ENTREP3: variants seen among roughly 807,000 people sequenced by gnomAD.
The protein encoded by ENTREP3 is endosomal transmembrane epsin interactor 3.
At chr1:155,247,909 A>C in the ENTREP3 span, 1 of 1,590,656 alleles carries the variant, frequency 6.3e-7, no homozygotes, top group Admixed American at 1.8e-5. Context: ...GCAGCTGCGA[A>C]GGTGGAGGCT....
the ENTREP3 span, chr1:155,250,824 G>A: frequency 1.3e-5 from 21 of 1,596,628 alleles, no homozygotes; most frequent in African/African-American, 9.4e-5. The surrounding 1 kb of genome is among the most constrained non-coding windows in gnomAD (Gnocchi z 5.4). Flanking sequence ...CATGGACACT[G>A]TGGGCGGCAG....
At chr1:155,249,409 C>T in the ENTREP3 span, among the ~76,000 whole-genome samples, 496 of 151,736 alleles carry the variant, frequency 3.3e-3, 3 homozygotes, top group African/African-American at 0.012. Flanking sequence ...TATTATTATA[C>T]ATGTTTAACA....
chr1:155,254,725 G>A, the ENTREP3 span: 4 of 1,613,702 alleles, frequency 2.5e-6, no homozygotes, highest in Non-Finnish European at 3.4e-6. The surrounding 1 kb of genome is among the most constrained non-coding windows in gnomAD (Gnocchi z 4.4). Context: ...CCACCATGCT[G>A]AAGGTGACCA....
the ENTREP3 span, chr1:155,250,633 G>T: frequency 6.2e-7 from 1 of 1,610,984 alleles, no homozygotes; most frequent in Non-Finnish European, 8.5e-7. This position sits in a 1 kb window ranked among gnomAD's most constrained non-coding sequence, Gnocchi z 5.4. Flanking sequence ...TCCTCGAAGG[G>T]GCCCCGCAGG....
At chr1:155,247,993 C>A in the ENTREP3 span, 1 of 1,612,450 alleles carries the variant, frequency 6.2e-7, no homozygotes, top group South Asian at 1.1e-5. Context: ...ATCAATAAGG[C>A]TCAATCTGAA....
the ENTREP3 span, chr1:155,254,606 G>A: frequency 5.0e-6 from 8 of 1,584,362 alleles, no homozygotes; most frequent in African/African-American, 9.4e-5. The surrounding 1 kb of genome is among the most constrained non-coding windows in gnomAD (Gnocchi z 4.4). Flanking sequence ...TGTGGAGGGT[G>A]GGGCCCGAGG....
At chr1:155,254,779 G>C in the ENTREP3 span, 2 of 1,613,802 alleles carry the variant, frequency 1.2e-6, no homozygotes, top group Admixed American at 1.7e-5. This position sits in a 1 kb window ranked among gnomAD's most constrained non-coding sequence, Gnocchi z 4.4. Context: ...GCGTAAGCAG[G>C]GCCTGCAGCC....
chr1:155,251,183 C>T, the ENTREP3 span: 1 of 1,583,710 alleles, frequency 6.3e-7, no homozygotes, highest in East Asian at 2.3e-5. Context: ...GACACAGGGT[C>T]AAGGGTTCAG....
At chr1:155,254,409 G>A in the ENTREP3 span, 2 of 1,614,032 alleles carry the variant, frequency 1.2e-6, no homozygotes, top group African/African-American at 2.7e-5. The surrounding 1 kb of genome is among the most constrained non-coding windows in gnomAD (Gnocchi z 4.4). Flanking sequence ...CCACTAGAGT[G>A]AATGGCCGCT....
At chr1:155,254,473 C>T in the ENTREP3 span, 2 of 1,614,100 alleles carry the variant, frequency 1.2e-6, no homozygotes, top group Non-Finnish European at 1.7e-6. This position sits in a 1 kb window ranked among gnomAD's most constrained non-coding sequence, Gnocchi z 4.4. Flanking sequence ...ACAGAGTGGG[C>T]ACAGGCTCAG....
chr1:155,252,441 C>A, the ENTREP3 span, among the ~76,000 whole-genome samples: 2 of 151,582 alleles, frequency 1.3e-5, 1 homozygote, highest in South Asian at 4.2e-4. Context: ...TACATCTCAG[C>A]TCACTGCAAC....
At chr1:155,248,568 C>G in the ENTREP3 span, 3 of 997,306 alleles carry the variant, frequency 3.0e-6, no homozygotes, top group Non-Finnish European at 4.8e-6. Context: ...GAGGAGCTTT[C>G]ACAGCTCCCA....
the ENTREP3 span, chr1:155,254,647 A>ACT: frequency 6.2e-7 from 1 of 1,604,622 alleles, no homozygotes; most frequent in Non-Finnish European, 8.5e-7. This position sits in a 1 kb window ranked among gnomAD's most constrained non-coding sequence, Gnocchi z 4.4. Context: ...TGTGCACCCA[A>ACT]CTCACCGAGA....
the ENTREP3 span, chr1:155,253,109 A>G: frequency 6.5e-6 from 1 of 152,984 alleles, no homozygotes; most frequent in East Asian, 1.9e-4. Flanking sequence ...GGGTTTCACC[A>G]TGTTAGCCAG....
the ENTREP3 span, among the ~76,000 whole-genome samples, chr1:155,252,247 G>T: frequency 6.6e-6 from 1 of 151,434 alleles, no homozygotes; most frequent in African/African-American, 2.4e-5. Flanking sequence ...TCTGTTGCTG[G>T]AGTGCAGTGG....
the ENTREP3 span, chr1:155,254,432 T>G: frequency 3.7e-6 from 6 of 1,614,130 alleles, no homozygotes; most frequent in Non-Finnish European, 5.1e-6. The surrounding 1 kb of genome is among the most constrained non-coding windows in gnomAD (Gnocchi z 4.4). Context: ...CAGGACACAA[T>G]GCCAACCACC....
At chr1:155,252,690 G>GTGCATATATATATATATATATA in the ENTREP3 span, 1 of 32,880 alleles carries the variant, frequency 3.0e-5, no homozygotes, top group African/African-American at 1.9e-4. Flanking sequence ...AATTTTGTGT[G>GTGCATATATATATATATATATA]TATATATATA....
At chr1:155,254,395 C>G in the ENTREP3 span, 54 of 1,614,086 alleles carry the variant, frequency 3.3e-5, no homozygotes, top group Non-Finnish European at 4.5e-5. The surrounding 1 kb of genome is among the most constrained non-coding windows in gnomAD (Gnocchi z 4.4). Flanking sequence ...GACCCTGGCA[C>G]CTACCACTAG....
At chr1:155,253,488 G>T in the ENTREP3 span, 2 of 614,834 alleles carry the variant, frequency 3.3e-6, no homozygotes, top group East Asian at 5.7e-5. Context: ...TCCTCCAATA[G>T]ATGAGGATAA....
Sources: gnomAD v4.1 joint callset for allele counts (sites outside exome capture counted in the v4.1 genomes callset) on GRCh38, gnomAD v4.1.1 for gene constraint, Gnocchi (gnomAD v3.1) non-coding constraint, MANE v1.5 for transcripts, NCBI Gene and HGNC (gene_info 2026-07-23, HGNC 2026-07-21) for gene names.